The following PHEX variants were observed in gnomAD, a reference collection of about 807,000 sequenced individuals.
PHEX encodes the protein phosphate-regulating neutral endopeptidase PHEX.
In PHEX, 16 loss-of-function variants were observed where a neutral mutation model predicts 68.0. The observed-to-expected ratio is 0.24, with a 90% CI of 0.16 to 0.36. The LOEUF is 0.36. Ranked by LOEUF, PHEX falls within the 10% of genes least tolerant of loss-of-function variation. The pLI, the probability that PHEX is intolerant of heterozygous loss-of-function variation, is 1.00. For synonymous variants in PHEX, 208 were observed against 205.1 expected (o/e 1.01, Z -0.12); for missense variants, 480 against 575.5 (o/e 0.83, Z 1.70).
chrX:22,074,525 GT>G (rs774569556), intron 3 of PHEX, among the ~76,000 whole-genome samples: 1 of 110,000 alleles, frequency 9.1e-6, no homozygotes, highest in Admixed American at 9.8e-5. Flanking sequence ...AATGCTTTTA[GT>G]TTTTTTTGCT....
intron 3 of PHEX, among the ~76,000 whole-genome samples, chrX:22,067,852 G>A (rs1928678602): frequency 9.4e-6 from 1 of 106,502 alleles, no homozygotes; most frequent in Non-Finnish European, 1.9e-5. Context: ...AAATTTTTGA[G>A]ACGGAGTTTC....
intron 20 of PHEX, among the ~76,000 whole-genome samples, chrX:22,242,200 A>G (rs891682008): frequency 4.3e-4 from 48 of 112,379 alleles, no homozygotes; most frequent in African/African-American, 1.4e-3. Context: ...CAATAGATGC[A>G]GAAAAGGCAT....
At chrX:22,205,448 T>TA (rs1426636655) in intron 15 of PHEX, among the ~76,000 whole-genome samples, 1 of 111,424 alleles carries the variant, frequency 9.0e-6, no homozygotes, top group African/African-American at 3.3e-5. Context: ...TTACTACACT[T>TA]ACAAAAGTTT....
At chrX:22,123,698 A>G (rs1931588004) in intron 11 of PHEX, among the ~76,000 whole-genome samples, 1 of 111,175 alleles carries the variant, frequency 9.0e-6, no homozygotes, top group Non-Finnish European at 1.9e-5. Flanking sequence ...TCATTGGAAT[A>G]AAGATCCTTT....
rs1555900710 is a variant in PHEX, at chrX:22,249,455, A to ATATATATATATATATATATATAT, written c.*1502_*1503insTATATATATATATATATATATAT. ...TTGTGATTCTTTTAAAAAAAAAAAA[A>ATATATATATATATATATATATAT]ATATATATATATATATATATATATA... On this transcript the variant is annotated 3_prime_UTR_variant, in exon 22 of 22. Transcript: ENST00000379374. 3 of 39,754 alleles carry ATATATATATATATATATATATAT rather than the reference A, an allele frequency of 7.5e-5. No homozygotes were observed. The highest frequency in any genetic ancestry group is 5.0e-4 in the African/African-American group (3 of 6,015). 3.3% of individuals were successfully genotyped at this position (39,754 alleles called of 1,213,427 possible).
intron 20 of PHEX, among the ~76,000 whole-genome samples, chrX:22,232,959 T>G (rs1342656502): frequency 3.6e-5 from 4 of 111,290 alleles, no homozygotes; most frequent in African/African-American, 1.3e-4. Flanking sequence ...CTGTGTTCAG[T>G]GCTTCTTTGA....
At chrX:22,186,910 A>G (rs756216077) in intron 14 of PHEX, among the ~76,000 whole-genome samples, 2 of 111,974 alleles carry the variant, frequency 1.8e-5, no homozygotes, top group Non-Finnish European at 3.8e-5. Flanking sequence ...TGGGAAGAAC[A>G]AAAAGAGAAG....
At chrX:22,144,471 A>C (rs1820372717) in intron 12 of PHEX, among the ~76,000 whole-genome samples, 1 of 111,369 alleles carries the variant, frequency 9.0e-6, no homozygotes. Context: ...ACAGTTAGTA[A>C]TATTTTATCA....
In PHEX at chrX:22,132,167, A is replaced by G. The variant is rs754823924; in HGVS notation, c.1303-1356A>G. Among the ~76,000 whole-genome samples the G allele has an allele frequency of 3.6e-5, 4 of 111,772 alleles. No homozygotes were observed. In the Admixed American group the frequency reaches 3.8e-4, roughly 11 times the overall value. On this transcript the variant is annotated intron_variant, in intron 11 of 21. Coordinates refer to ENST00000379374, the MANE Select transcript of PHEX (RefSeq NM_000444.6). ...CAGGCTGAAGTATAGTGGTACAGTCATAGCTTACTGCAGCCTCAAACTCCT... is the reference window on the plus strand; with the variant it reads ...CAGGCTGAAGTATAGTGGTACAGTCGTAGCTTACTGCAGCCTCAAACTCCT...
At chrX:22,205,522 G>A (rs1204498932) in intron 15 of PHEX, among the ~76,000 whole-genome samples, 1 of 111,054 alleles carries the variant, frequency 9.0e-6, no homozygotes, top group Non-Finnish European at 1.9e-5. Flanking sequence ...AAAGTTGGAG[G>A]CTTCCTATTT....
At chrX:22,117,060 G>C (rs1295828936) in intron 11 of PHEX, among the ~76,000 whole-genome samples, 5 of 111,766 alleles carry the variant, frequency 4.5e-5, no homozygotes. Context: ...ACTTACTGAG[G>C]CTCCAGAAGA....
At chrX:22,242,182 G>A (rs1002538897) in intron 20 of PHEX, among the ~76,000 whole-genome samples, 7 of 111,831 alleles carry the variant, frequency 6.3e-5, no homozygotes, top group Non-Finnish European at 1.3e-4. Context: ...AAAACCACAC[G>A]ATTATTTCAA....
chrX:22,123,371 T>C (rs1217028069), intron 11 of PHEX, among the ~76,000 whole-genome samples: 1 of 111,203 alleles, frequency 9.0e-6, no homozygotes, highest in African/African-American at 3.3e-5. Flanking sequence ...CTGTCAGTGC[T>C]GTGTATCACA....
At chrX:22,046,818 C>T (rs975015332) in intron 2 of PHEX, among the ~76,000 whole-genome samples, 13 of 111,057 alleles carry the variant, frequency 1.2e-4, no homozygotes, top group African/African-American at 4.3e-4. Flanking sequence ...CCACCTGCCT[C>T]GGCCTCCTAA....
In PHEX at chrX:22,077,716, C is replaced by A. The variant is rs376914541; in HGVS notation, c.663+14C>A. 1.8e-6 allele frequency: 2 copies of A among 1,142,261 alleles called. No individual in the cohort carries two copies. Among genetic ancestry groups the A allele is most frequent in the Admixed American group, 2.2e-5 (1 of 45,959 alleles). The allele number at this position is 1,142,261 out of a possible 1,213,427, so 94.1% of individuals were successfully genotyped here. On this transcript the variant is annotated intron_variant, in intron 5 of 21. Transcript: ENST00000379374. ...CATATCTTGAAGGTATAATGAGGAC[C>A]CATTCATCTTCTTTGCTCAGTCCTA... is the stretch of plus-strand genomic sequence containing the variant.
chrX:22,046,668 A>G (rs905695401), intron 2 of PHEX, among the ~76,000 whole-genome samples: 1 of 107,589 alleles, frequency 9.3e-6, no homozygotes, highest in South Asian at 4.1e-4. Flanking sequence ...CCTAGGTTTA[A>G]GTAATTCTCC....
chrX:22,066,089 C>CG (rs1928587537), intron 3 of PHEX, among the ~76,000 whole-genome samples: 1 of 111,897 alleles, frequency 8.9e-6, no homozygotes, highest in Non-Finnish European at 1.9e-5. Context: ...AGGAGAAAGG[C>CG]GGGGGCCAGA....
At chrX:22,234,309 C>T (rs1935882676) in intron 20 of PHEX, among the ~76,000 whole-genome samples, 1 of 112,740 alleles carries the variant, frequency 8.9e-6, no homozygotes, top group Admixed American at 9.3e-5. Flanking sequence ...CTTAGCAGAG[C>T]TCGACCACTG....
At chrX:22,129,101 A>G (rs1931867525) in intron 11 of PHEX, among the ~76,000 whole-genome samples, 1 of 110,909 alleles carries the variant, frequency 9.0e-6, no homozygotes, top group African/African-American at 3.3e-5. Flanking sequence ...TGTACTTCCT[A>G]TGATCTGTCT....
Sources: allele counts gnomAD v4.1 joint callset (sites outside exome capture counted in the v4.1 genomes callset), GRCh38; gene constraint gnomAD v4.1.1; transcripts MANE v1.5; gene names NCBI Gene and HGNC (gene_info 2026-07-23, HGNC 2026-07-21).